GMEB1: variants seen among roughly 807,000 people sequenced by gnomAD.
GMEB1 encodes the protein glucocorticoid modulatory element binding protein 1, also known as glucocorticoid modulatory element-binding protein 1.
Under a neutral mutation model 52.4 loss-of-function variants are expected in GMEB1, and 6 were observed. That is an observed-to-expected ratio of 0.11 (90% CI 0.06 to 0.23). The LOEUF is 0.23. Among genes scored for constraint, GMEB1 ranks in the 10% least tolerant of loss-of-function variants. The pLI is 1.00. For synonymous variants in GMEB1, 255 were observed against 244.9 expected, an observed-to-expected ratio of 1.04 and a Z score of -0.38; for missense variants, 486 against 685.6, an observed-to-expected ratio of 0.71 and a Z score of 3.25.
intron 8 of GMEB1, among the ~76,000 whole-genome samples, chr1:28,708,400 G>A (rs1457430562): frequency 6.6e-6 from 1 of 151,920 alleles, no homozygotes; most frequent in Middle Eastern, 3.4e-3. Flanking sequence ...TCCTGACCTC[G>A]TGATCCACCC....
intron 9 of GMEB1, among the ~76,000 whole-genome samples, chr1:28,712,995 CAAAA>C (rs35776002): frequency 6.8e-6 from 1 of 147,258 alleles, no homozygotes; most frequent in East Asian, 2.0e-4. Context: ...TACTAAAATA[CAAAA>C]AAAAAAACAT....
chr1:28,678,925 T>C (rs1426805629), intron 1 of GMEB1, among the ~76,000 whole-genome samples: 1 of 152,002 alleles, frequency 6.6e-6, no homozygotes, highest in South Asian at 2.1e-4. Context: ...TTGTTTTGTT[T>C]TTTTGAGACG....
chr1:28,679,478 C>G (rs978989565), intron 1 of GMEB1, among the ~76,000 whole-genome samples: 1 of 151,870 alleles, frequency 6.6e-6, no homozygotes, highest in African/African-American at 2.4e-5. Flanking sequence ...GTGCCTGGCC[C>G]CTTTCTAGTT....
chr1:28,695,783 CA>C (rs1281339170), intron 5 of GMEB1, among the ~76,000 whole-genome samples: 1 of 143,372 alleles, frequency 7.0e-6, no homozygotes, highest in East Asian at 2.1e-4. Flanking sequence ...CTAAAAAATA[CA>C]AAAAATTAGC....
At chr1:28,686,526 G>A (rs558405488) in intron 2 of GMEB1, among the ~76,000 whole-genome samples, 4 of 151,096 alleles carry the variant, frequency 2.6e-5, no homozygotes, top group African/African-American at 7.3e-5. Context: ...CTGCTTGGGA[G>A]GCTAAGGGAG....
At chr1:28,713,145 G>C (rs1285362071) in intron 9 of GMEB1, among the ~76,000 whole-genome samples, 1 of 143,106 alleles carries the variant, frequency 7.0e-6, no homozygotes, top group Non-Finnish European at 1.5e-5. Flanking sequence ...GCGACAGAGC[G>C]AGACTCCATC....
intron 1 of GMEB1, among the ~76,000 whole-genome samples, chr1:28,674,819 C>T (rs1669072610): frequency 1.5e-5 from 2 of 135,454 alleles, no homozygotes; most frequent in African/African-American, 2.8e-5. Flanking sequence ...CCCGGGTTCA[C>T]GCCATTCTCC....
chr1:28,687,569 CA>C, intron 2 of GMEB1, among the ~76,000 whole-genome samples: 1 of 152,018 alleles, frequency 6.6e-6, no homozygotes, highest in South Asian at 2.1e-4. Flanking sequence ...AAATATCATA[CA>C]AAGGATTTGG....
intron 1 of GMEB1, among the ~76,000 whole-genome samples, chr1:28,672,777 G>C (rs1310392370): frequency 1.6e-5 from 2 of 125,404 alleles, no homozygotes; most frequent in African/African-American, 5.9e-5. Flanking sequence ...GTCTCGCTCT[G>C]TTGCCAGGCT....
chr1:28,702,928 G>C (rs895302997), intron 7 of GMEB1, among the ~76,000 whole-genome samples: 1 of 151,982 alleles, frequency 6.6e-6, no homozygotes, highest in African/African-American at 2.4e-5. Flanking sequence ...GGTAGCAGGC[G>C]CCTGTAGTCC....
At chr1:28,684,486 C>G in intron 2 of GMEB1, among the ~76,000 whole-genome samples, 1 of 151,112 alleles carries the variant, frequency 6.6e-6, no homozygotes, top group East Asian at 2.0e-4. Context: ...CGGCGTGAAC[C>G]CGGGAGGCGG....
At position 28,714,966 on chromosome 1, in the gene GMEB1, C is replaced by G; in HGVS notation, c.*193C>G. 1 of 570,344 alleles carries G rather than the reference C, an allele frequency of 1.8e-6. No homozygotes were observed. The highest frequency in any genetic ancestry group is 3.1e-6 in the Non-Finnish European group (1 of 321,940). 35.3% of individuals were successfully genotyped at this position (570,344 alleles called of 1,614,324 possible). A position where few individuals can be genotyped will look rare whatever the true frequency, so the allele number is the denominator to read the frequency against. On this transcript the variant is annotated 3_prime_UTR_variant, in exon 10 of 10. Coordinates refer to ENST00000373816, the MANE Select transcript of GMEB1 (RefSeq NM_001319674.2). ...AAAATGGACAAAACAAGCTGCCCTT[C>G]CAGAAGTTGAGAGTAGGTCATTCAA...
chr1:28,672,734 T>A (rs1668950537), intron 1 of GMEB1, among the ~76,000 whole-genome samples: 1 of 131,712 alleles, frequency 7.6e-6, no homozygotes, highest in Non-Finnish European at 1.6e-5. Context: ...GACATATTGT[T>A]CCTTTTTTTT....
chr1:28,690,157 A>G lies in GMEB1; in HGVS notation c.182A>G (p.His61Arg). The change falls in exon 3 of 10, where the codon CAC becomes CGC. Residue 61 changes from histidine to arginine, a missense_variant. By Grantham distance (29) the His-to-Arg change is conservative. Transcript: ENST00000373816. ...NNTAVVAVET[H>R]TIHKIEEGID... ...ACGGCAGTTGTAGCAGTAGAAACTC[A>G]CACGATACACAAAATTGAAGAAGGG... 1 of 1,565,466 alleles carries G rather than the reference A, an allele frequency of 6.4e-7. No homozygotes were observed. The highest frequency in any genetic ancestry group is 1.2e-5 in the South Asian group (1 of 86,348).
chr1:28,674,425 A>T (rs1669046352), intron 1 of GMEB1, among the ~76,000 whole-genome samples: 1 of 152,060 alleles, frequency 6.6e-6, no homozygotes, highest in Admixed American at 6.6e-5. Flanking sequence ...TTTGAGACGG[A>T]GTCTCCCTCT....
chr1:28,695,485 G>T (rs1305140230), intron 5 of GMEB1, among the ~76,000 whole-genome samples: 1 of 150,628 alleles, frequency 6.6e-6, no homozygotes, highest in Non-Finnish European at 1.5e-5. Context: ...ACCCGCCTTG[G>T]CCTCCCAAAG....
chr1:28,674,535 C>G (rs1019627524), intron 1 of GMEB1, among the ~76,000 whole-genome samples: 6 of 151,734 alleles, frequency 4.0e-5, no homozygotes, highest in African/African-American at 9.7e-5. Context: ...GCTGAGATTA[C>G]AGACATGGGC....
At chr1:28,706,085 C>A (rs868568789) in intron 8 of GMEB1, among the ~76,000 whole-genome samples, 2 of 151,842 alleles carry the variant, frequency 1.3e-5, no homozygotes, top group South Asian at 2.1e-4. Context: ...ACCCGGGAGG[C>A]AGAACATGCA....
intron 2 of GMEB1, 78 bp from the exon 3 acceptor site, chr1:28,690,026 T>G: frequency 1.1e-6 from 1 of 898,380 alleles, no homozygotes; most frequent in Non-Finnish European, 1.7e-6. Flanking sequence ...TTGAAACAAA[T>G]TTCTTAACCC....
Sources: allele counts gnomAD v4.1 joint callset (sites outside exome capture counted in the v4.1 genomes callset), GRCh38; gene constraint gnomAD v4.1.1; transcripts MANE v1.5; gene names NCBI Gene and HGNC (gene_info 2026-07-23, HGNC 2026-07-21).